Variants in FANCM observed in about 807,000 individuals in gnomAD.
FANCM encodes Fanconi anemia group M protein.
FANCM carries 140 observed loss-of-function variants against 199.5 expected under a neutral mutation model. The ratio of observed to expected loss-of-function variants is 0.70; its 90% CI spans 0.61 to 0.81. FANCM has a LOEUF of 0.81. Ranked by LOEUF, FANCM falls within the 30% of genes least tolerant of loss-of-function variation. The probability of loss-of-function intolerance (pLI) is 0.00; values close to 1 mark genes in which losing one functional copy is unlikely to be tolerated. For synonymous variants in FANCM, 840 were observed against 836.8 expected (o/e 1.00, Z -0.07); for missense variants, 2,410 against 2,421.4 (o/e 1.00, Z 0.10).
chr14:45,187,213 T>C (rs991471815), intron 18 of FANCM, among the ~76,000 whole-genome samples: 12 of 152,056 alleles, frequency 7.9e-5, no homozygotes, highest in Non-Finnish European at 1.3e-4. Context: ...TCAAAGCTTT[T>C]TTTTTTTTTA....
chr14:45,166,891 TG>T, intron 10 of FANCM, 58 bp from the exon 11 acceptor site: 1 of 975,644 alleles, frequency 1.0e-6, no homozygotes, highest in Non-Finnish European at 1.6e-6. Flanking sequence ...TTGCTTGTTA[TG>T]GATAAATTGT....
At chr14:45,178,970 G>A (rs925680078) in intron 14 of FANCM, among the ~76,000 whole-genome samples, 20 of 152,044 alleles carry the variant, frequency 1.3e-4, no homozygotes, top group African/African-American at 4.8e-4. Flanking sequence ...AGGCTGAGGC[G>A]GGTGGATCAC....
At chr14:45,162,463 G>C (rs942153298) in intron 9 of FANCM, among the ~76,000 whole-genome samples, 3 of 152,156 alleles carry the variant, frequency 2.0e-5, no homozygotes, top group Non-Finnish European at 4.4e-5. Context: ...AAAGTAAAAT[G>C]AATGAAAAAT....
At chr14:45,141,691 G>A (rs376578362) in intron 3 of FANCM, among the ~76,000 whole-genome samples, 1 of 150,820 alleles carries the variant, frequency 6.6e-6, no homozygotes, top group South Asian at 2.1e-4. Flanking sequence ...CTGGATTCAA[G>A]CGATTCTCTT....
intron 3 of FANCM, among the ~76,000 whole-genome samples, chr14:45,147,056 A>G (rs1886448233): frequency 1.3e-5 from 2 of 152,104 alleles, no homozygotes; most frequent in African/African-American, 4.8e-5. Flanking sequence ...CATTAACTCA[A>G]TACCTGGCAT....
chr14:45,143,088 T>A (rs1886091006), intron 3 of FANCM, among the ~76,000 whole-genome samples: 1 of 152,008 alleles, frequency 6.6e-6, no homozygotes. Context: ...CACAGTCCAA[T>A]ACTATTTTAT....
Position 45,137,060 on chromosome 14 carries a change from T to TA in FANCM, c.509-8dup. 2 of 1,605,978 alleles carry TA rather than the reference T, an allele frequency of 1.2e-6. No individual in the cohort carries two copies. Among genetic ancestry groups the TA allele is most frequent in the Non-Finnish European group, 1.7e-6 (2 of 1,173,318 alleles). ...AGTTTAGAATGTAGAATGTCACTTT[T>TA]ATTTTCAGGGTCTACACAAGCTTCC... On this transcript the variant is annotated splice_polypyrimidine_tract_variant and intron_variant, in intron 1 of 22. Coordinates refer to ENST00000267430, the MANE Select transcript of FANCM (RefSeq NM_020937.4).
intron 9 of FANCM, among the ~76,000 whole-genome samples, chr14:45,159,703 A>G (rs987613186): frequency 6.6e-6 from 1 of 152,192 alleles, no homozygotes; most frequent in Non-Finnish European, 1.5e-5. Flanking sequence ...ACAAATAATT[A>G]GCCTCTTTTT....
rs375959944 is a variant in FANCM at position 45,175,389 on chromosome 14, G to C, written c.2635G>C (p.Asp879His). ...TAATCACGGTATTATAGATTCTGTA[G>C]ATAATGACAGAAATTCCACTGTTGA... Reference protein sequence around the residue: ...ENNHGIIDSVDNDRNSTVENI... With the variant: ...ENNHGIIDSVHNDRNSTVENI... The change falls in exon 14 of 23, where the codon GAT (aspartate) becomes CAT (histidine). Residue 879 changes from aspartate (D) to histidine (H), a missense_variant. Physicochemically the swap from Asp to His is moderately conservative, Grantham distance 81. Coordinates refer to ENST00000267430, the MANE Select transcript of FANCM (RefSeq NM_020937.4). 6.4e-7 allele frequency: 1 copy of C among 1,558,934 alleles called. No homozygotes were observed. The highest frequency in any genetic ancestry group is 1.4e-5 in the African/African-American group (1 of 72,344).
rs939426175 is a variant in FANCM, at chr14:45,136,332, G to T, written c.301G>T (p.Ala101Ser). The stretch of plus-strand genomic sequence containing the variant: ...GGACTACCAGCTGCACATTTCCCGG[G>T]CTGCTCTGTTTTGCAATACGCTGGT... The part of the protein sequence containing the change: ...VRDYQLHISR[A>S]ALFCNTLVCL... Residue 101 changes from alanine (A) to serine (S), a missense_variant, in exon 1 of 23, where the codon GCT becomes TCT. Transcript: ENST00000267430. The T allele has an allele frequency of 1.9e-6, 3 of 1,614,048 alleles. No individual in the cohort carries two copies. Among genetic ancestry groups the T allele is most frequent in the Non-Finnish European group, 2.5e-6 (3 of 1,180,034 alleles).
rs766994415 is a variant in FANCM, at chr14:45,139,430, A to G, written c.682-1202A>G. ...TAATCCTGTGTTTAATTTGGGAACT[A>G]TGGTATACTGAGAGCTGTTCCTGCA... On this transcript the variant is annotated intron_variant, in intron 2 of 22. Coordinates refer to ENST00000267430, the MANE Select transcript of FANCM (RefSeq NM_020937.4). 6.3e-4 allele frequency among the ~76,000 whole-genome samples: 96 copies of G among 152,174 alleles called. 2 individuals are homozygous for G. The highest frequency in any genetic ancestry group is 2.5e-4 in the Non-Finnish European group (17 of 68,038).
At chr14:45,179,206 A>G (rs2139261938) in intron 14 of FANCM, among the ~76,000 whole-genome samples, 1 of 152,252 alleles carries the variant, frequency 6.6e-6, no homozygotes, top group South Asian at 2.1e-4. Flanking sequence ...CTAAAAATAA[A>G]TAAATAAATA....
At chr14:45,166,475 T>C (rs1028814969) in intron 10 of FANCM, among the ~76,000 whole-genome samples, 13 of 152,006 alleles carry the variant, frequency 8.6e-5, no homozygotes, top group East Asian at 1.9e-4. Flanking sequence ...AACAGTTTAC[T>C]GATAGGTTTT....
chr14:45,198,926 T>C lies in FANCM; in HGVS notation c.5999T>C (p.Met2000Thr). The C allele has an allele frequency of 6.2e-7, 1 of 1,604,672 alleles. No individual in the cohort carries two copies. Among genetic ancestry groups the C allele is most frequent in the Non-Finnish European group, 8.5e-7 (1 of 1,171,858 alleles). ...CACCAGTTTTCATCTGTGAAAAGGA[T>C]GGCTAACAGGTATGTCTGTTGTAAT... Reference protein sequence around the residue: ...MCHQFSSVKRMANSSLQEISM... With the variant: ...MCHQFSSVKRTANSSLQEISM... The change falls in exon 22 of 23, where the codon ATG (methionine) becomes ACG (threonine). Residue 2000 changes from methionine to threonine, a missense_variant. By Grantham distance (81) the Met-to-Thr change is moderately conservative (BLOSUM62 -1). Coordinates refer to ENST00000267430, the MANE Select transcript of FANCM (RefSeq NM_020937.4).
chr14:45,170,497 A>G (rs776557951), intron 11 of FANCM, 92 bp from the exon 12 acceptor site: 129 of 903,798 alleles, frequency 1.4e-4, no homozygotes, highest in Non-Finnish European at 2.1e-4. Flanking sequence ...TTGCACTCCA[A>G]CCTGGGTGAC....
chr14:45,179,142 T>G (rs1413303842), intron 14 of FANCM, among the ~76,000 whole-genome samples: 6 of 152,090 alleles, frequency 3.9e-5, no homozygotes, highest in Non-Finnish European at 8.8e-5. Flanking sequence ...GAGGTTCCAG[T>G]GAGCCGAGAT....
chr14:45,161,188 T>G (rs1887580446), intron 9 of FANCM, among the ~76,000 whole-genome samples: 1 of 152,214 alleles, frequency 6.6e-6, no homozygotes, highest in Non-Finnish European at 1.5e-5. Context: ...ACTTTATCAT[T>G]TACTCATTTA....
rs1437041661 is a variant in FANCM, at chr14:45,199,907, C to T, written c.6046C>T (p.His2016Tyr). The T allele has an allele frequency of 1.2e-6, 2 of 1,610,412 alleles. No homozygotes were observed. Among genetic ancestry groups the T allele is most frequent in the South Asian group, 1.1e-5 (1 of 91,024 alleles). ...QEISMYAQVT[H>Y]QKAEEIYRYI... ...AATCTCCATGTATGCACAAGTAACT[C>T]ATCAGAAGGCTGAGGAGATCTATAG... is the stretch of plus-strand genomic sequence containing the variant. Residue 2016 changes from histidine (H) to tyrosine (Y), a missense_variant, in exon 23 of 23, where the codon CAT (histidine) becomes TAT (tyrosine). Coordinates refer to ENST00000267430, the MANE Select transcript of FANCM (RefSeq NM_020937.4).
At position 45,164,239 on chromosome 14, in the gene FANCM, G is replaced by T. The variant is rs1482455498; in HGVS notation, c.1582-120G>T. 6 of 837,402 alleles carry T rather than the reference G, an allele frequency of 7.2e-6. No individual in the cohort carries two copies. In the Admixed American group the frequency reaches 1.0e-4, roughly 14 times the overall value. 51.9% of individuals were successfully genotyped at this position (837,402 alleles called of 1,614,324 possible). Reference sequence around the variant, plus strand: ...ACATTACAGGCATGAGCTGTGGCCAGCCTTGAGGCTGATTTTTAATCTGAT... The same window carrying T: ...ACATTACAGGCATGAGCTGTGGCCATCCTTGAGGCTGATTTTTAATCTGAT... On this transcript the variant is annotated intron_variant, in intron 9 of 22. Coordinates refer to ENST00000267430, the MANE Select transcript of FANCM (RefSeq NM_020937.4).
Sources: allele counts gnomAD v4.1 joint callset (sites outside exome capture counted in the v4.1 genomes callset), GRCh38; gene constraint gnomAD v4.1.1; transcripts MANE v1.5; gene names NCBI Gene and HGNC (gene_info 2026-07-23, HGNC 2026-07-21).